Variants in C1orf21 observed in about 807,000 individuals in gnomAD.
C1orf21 encodes chromosome 1 open reading frame 21.
Under a neutral mutation model 18.7 loss-of-function variants are expected in C1orf21, and 3 were observed. The ratio of observed to expected loss-of-function variants is 0.16; its 90% CI spans 0.07 to 0.42. The LOEUF (loss-of-function observed/expected upper bound fraction) is 0.42. C1orf21 is among the 10% of genes least tolerant of loss of function. C1orf21 has a pLI of 0.99. For synonymous variants in C1orf21, 41 were observed against 46.4 expected, an observed-to-expected ratio of 0.88 and a Z score of 0.47; for missense variants, 104 against 143.6, an observed-to-expected ratio of 0.72 and a Z score of 1.41.
intron 3 of C1orf21, among the ~76,000 whole-genome samples, chr1:184,552,659 G>A (rs1014541380): frequency 6.6e-5 from 10 of 152,104 alleles, no homozygotes; most frequent in Admixed American, 5.9e-4. Flanking sequence ...ACCCGGATGA[G>A]TAATTAATGG....
At chr1:184,579,379 G>GTTTT (rs201010891) in intron 3 of C1orf21, among the ~76,000 whole-genome samples, 13 of 71,444 alleles carry the variant, frequency 1.8e-4, no homozygotes, top group Non-Finnish European at 2.8e-4. Context: ...TATAAGCTGG[G>GTTTT]TTTTTTTTTT....
At chr1:184,586,285 C>CTTT (rs59964534) in intron 3 of C1orf21, among the ~76,000 whole-genome samples, 28,276 of 128,220 alleles carry the variant, frequency 0.22, 3,659 homozygotes, top group East Asian at 0.36. Context: ...CTTTTGTCCA[C>CTTT]TTTTTTTTTT....
intron 1 of C1orf21, among the ~76,000 whole-genome samples, chr1:184,431,408 C>T (rs1393683044): frequency 6.6e-6 from 1 of 152,124 alleles, no homozygotes; most frequent in African/African-American, 2.4e-5. Flanking sequence ...GGAAATCTGG[C>T]TAGCCATATG....
intron 3 of C1orf21, among the ~76,000 whole-genome samples, chr1:184,575,015 C>T (rs193001018): frequency 1.6e-4 from 24 of 152,184 alleles, no homozygotes; most frequent in African/African-American, 3.6e-4. Context: ...TGAAAAGATA[C>T]GCAAATGAAG....
intron 2 of C1orf21, among the ~76,000 whole-genome samples, chr1:184,486,809 G>C (rs1273441363): frequency 6.6e-6 from 1 of 152,196 alleles, no homozygotes; most frequent in African/African-American, 2.4e-5. Flanking sequence ...GTCACTCCCT[G>C]CTGCCAGGCA....
At chr1:184,479,613 CTTTTTTTT>C (rs55840285) in intron 2 of C1orf21, among the ~76,000 whole-genome samples, 1 of 62,214 alleles carries the variant, frequency 1.6e-5, no homozygotes, top group Non-Finnish European at 2.9e-5. Context: ...TCCCATAGGT[CTTTTTTTT>C]TTTTTTTTTT....
At chr1:184,613,107 G>T (rs958774319) in intron 5 of C1orf21, among the ~76,000 whole-genome samples, 2 of 152,074 alleles carry the variant, frequency 1.3e-5, no homozygotes, top group African/African-American at 4.8e-5. Context: ...ACGCCACCAC[G>T]CCCAGCTAAT....
chr1:184,415,414 C>T (rs905849742), intron 1 of C1orf21, among the ~76,000 whole-genome samples: 5 of 152,140 alleles, frequency 3.3e-5, no homozygotes, highest in African/African-American at 9.7e-5. Flanking sequence ...CTGGGTTTTA[C>T]TAACAGATAA....
At chr1:184,430,004 C>T (rs571585863) in intron 1 of C1orf21, among the ~76,000 whole-genome samples, 133 of 150,602 alleles carry the variant, frequency 8.8e-4, no homozygotes, top group Non-Finnish European at 1.7e-3. Flanking sequence ...CCCAGCTACT[C>T]GGGAGGCTGA....
At chr1:184,407,527 G>T (rs972660737) in intron 1 of C1orf21, among the ~76,000 whole-genome samples, 2 of 152,226 alleles carry the variant, frequency 1.3e-5, no homozygotes, top group East Asian at 1.9e-4. Flanking sequence ...GAGTTGTGCC[G>T]CATCCGCTTA....
Position 184,553,446 on chromosome 1 carries a change from C to G in C1orf21, c.190-37293C>G, listed in dbSNP as rs371606586. On this transcript the variant is annotated intron_variant, in intron 3 of 5. Transcript: ENST00000235307. ...TTTTCCTGGTTCTGTGCCGTAAACA[C>G]TGAATGGACTATCTTACCTTGTCTT... Among the ~76,000 whole-genome samples, 3 of 152,288 alleles carry G rather than the reference C, an allele frequency of 2.0e-5. No individual in the cohort carries two copies. In the South Asian group the frequency reaches 6.2e-4, roughly 32 times the overall value.
intron 1 of C1orf21, among the ~76,000 whole-genome samples, chr1:184,451,792 C>T (rs1327691741): frequency 6.6e-6 from 1 of 152,162 alleles, no homozygotes. Flanking sequence ...ACATTGTAGG[C>T]CTCTTGTGCT....
At chr1:184,415,809 T>C (rs1329299004) in intron 1 of C1orf21, among the ~76,000 whole-genome samples, 1 of 152,234 alleles carries the variant, frequency 6.6e-6, no homozygotes, top group African/African-American at 2.4e-5. Flanking sequence ...TTCATCCTTC[T>C]CCTGCAGCAC....
intron 3 of C1orf21, among the ~76,000 whole-genome samples, chr1:184,547,701 G>T (rs907488495): frequency 6.6e-6 from 1 of 151,992 alleles, no homozygotes; most frequent in African/African-American, 2.4e-5. Flanking sequence ...TAAATTTTTA[G>T]CTATCTTAAG....
intron 5 of C1orf21, chr1:184,599,315 A>G (rs2102002841): frequency 6.6e-6 from 1 of 152,214 alleles, no homozygotes; most frequent in East Asian, 1.9e-4. Context: ...TTTGTTTTTT[A>G]CTTTGTGTTG....
At chr1:184,392,403 G>A (rs1034051046) in intron 1 of C1orf21, among the ~76,000 whole-genome samples, 5 of 152,152 alleles carry the variant, frequency 3.3e-5, no homozygotes, top group African/African-American at 7.2e-5. Context: ...ACACATGGAC[G>A]TTTAGAGTGG....
intron 3 of C1orf21, among the ~76,000 whole-genome samples, chr1:184,549,718 T>G (rs937225222): frequency 1.3e-4 from 20 of 152,218 alleles, no homozygotes; most frequent in African/African-American, 4.8e-4. Context: ...TTCCAGGTGT[T>G]TTTTCTCTAG....
chr1:184,534,819 G>A (rs914267017), intron 3 of C1orf21, among the ~76,000 whole-genome samples: 5 of 152,090 alleles, frequency 3.3e-5, no homozygotes, highest in South Asian at 2.1e-4. Context: ...TCACTTTTAC[G>A]TGGGAGTAGG....
At chr1:184,579,379 GTTTTTTTTTTTTTTTTTTT>G (rs201010891) in intron 3 of C1orf21, among the ~76,000 whole-genome samples, 1 of 71,444 alleles carries the variant, frequency 1.4e-5, no homozygotes, top group Non-Finnish European at 2.6e-5. Context: ...TATAAGCTGG[GTTTTTTTTTTTTTTTTTTT>G]TTTTTTTTTG....
Sources: allele counts gnomAD v4.1 joint callset (sites outside exome capture counted in the v4.1 genomes callset), GRCh38; gene constraint gnomAD v4.1.1; transcripts MANE v1.5; gene names NCBI Gene and HGNC (gene_info 2026-07-23, HGNC 2026-07-21).